Variants in ATP2A3 observed in about 807,000 individuals in gnomAD.
ATP2A3 encodes sarcoplasmic/endoplasmic reticulum calcium ATPase 3.
ATP2A3 carries 61 observed loss-of-function variants against 106.8 expected under a neutral mutation model. That is an observed-to-expected ratio of 0.57 (90% CI 0.46 to 0.71). The LOEUF is 0.71. Ranked by LOEUF, ATP2A3 falls within the 30% of genes least tolerant of loss-of-function variation. The pLI, the probability that ATP2A3 is intolerant of heterozygous loss-of-function variation, is 0.00. For missense variants in ATP2A3, 1,201 were observed against 1,423.5 expected, an observed-to-expected ratio of 0.84 and a Z score of 2.52; for synonymous variants, 611 against 609.3, an observed-to-expected ratio of 1.00 and a Z score of -0.04.
At chr17:3,931,676 C>T (rs2053103220) in intron 17 of ATP2A3, among the ~76,000 whole-genome samples, 5 of 152,094 alleles carry the variant, frequency 3.3e-5, no homozygotes, top group Admixed American at 2.6e-4. Flanking sequence ...CGCCCGCCAC[C>T]ACGCCCGGCT....
Position 3,936,292 on chromosome 17 carries a change from G to A in ATP2A3, c.2499C>T (p.Leu833=). 6.2e-7 allele frequency: 1 copy of A among 1,613,980 alleles called. No individual in the cohort carries two copies. Reference sequence around the variant, plus strand: ...CTCCGATAGCCAGGTATCGGAAGAAGAGCCAGCCACTGATGAGGGCTTCTC... The same window carrying A: ...CTCCGATAGCCAGGTATCGGAAGAAAAGCCAGCCACTGATGAGGGCTTCTC... ...SPREALISGW[L]FFRYLAIGVY... The change falls in exon 16 of 21, where the codon CTC becomes CTT. Residue 833 remains leucine, a synonymous_variant. Transcript: ENST00000397041. The surrounding 1 kb of genome is among the most constrained non-coding windows in gnomAD (Gnocchi z 5.4).
rs1488207523 is a variant in ATP2A3, at chr17:3,945,072, G to A, written c.1172C>T (p.Pro391Leu). Residue 391 changes from proline (P) to leucine (L), a missense_variant, in exon 9 of 21, where the codon CCC becomes CTC. Pro to Leu is a moderately conservative substitution (Grantham distance 98). Transcript: ENST00000397041. The stretch of plus-strand genomic sequence containing the variant: ...GCCCCGCACTCACACTTCGCCCTCG[G>A]GGGTATACGTGGTACCCGAGATGGT... ...EFTISGTTYTPEGEVRQGDQP... is the reference protein window; with the variant it reads ...EFTISGTTYTLEGEVRQGDQP... 5 of 1,545,024 alleles carry A rather than the reference G, an allele frequency of 3.2e-6. No individual in the cohort carries two copies.
Position 3,951,392 on chromosome 17 carries a change from G to A in ATP2A3, c.325-3C>T, listed in dbSNP as rs2144647196. The A allele has an allele frequency of 6.2e-7, 1 of 1,613,678 alleles. No homozygotes were observed. Among genetic ancestry groups the A allele is most frequent in the Non-Finnish European group, 8.5e-7 (1 of 1,180,006 alleles). Reference sequence around the variant, plus strand: ...ATGGCACTCTCGGCGTTGCGTTCCTGCAGAATAGAAGGCCGGCAGGCAGTC... The same window carrying A: ...ATGGCACTCTCGGCGTTGCGTTCCTACAGAATAGAAGGCCGGCAGGCAGTC... On this transcript the variant is annotated splice_polypyrimidine_tract_variant and splice_region_variant and intron_variant, in intron 4 of 20. Transcript: ENST00000397041.
At chr17:3,961,815 G>A (rs150162706) in intron 1 of ATP2A3, among the ~76,000 whole-genome samples, 2 of 152,304 alleles carry the variant, frequency 1.3e-5, no homozygotes, top group East Asian at 3.9e-4. Flanking sequence ...CTGGGAGATG[G>A]GTTCTATGGC....
intron 17 of ATP2A3, 42 bp downstream of exon 17, chr17:3,935,150 G>C (rs371138098): frequency 6.2e-7 from 1 of 1,602,630 alleles, no homozygotes; most frequent in Non-Finnish European, 8.5e-7. Flanking sequence ...CCAACAACTC[G>C]AGCTGTAAGT....
intron 10 of ATP2A3, among the ~76,000 whole-genome samples, chr17:3,944,375 T>A (rs559778829): frequency 2.0e-5 from 3 of 152,164 alleles, no homozygotes; most frequent in Non-Finnish European, 4.4e-5. Flanking sequence ...AGGCTTTAAC[T>A]GAACGTGGGC....
At position 3,937,465 on chromosome 17, in the gene ATP2A3, T is replaced by C; in HGVS notation, c.2272A>G (p.Lys758Glu). The stretch of plus-strand genomic sequence containing the variant: ...GAGATGAGGTAGCGGATGAATTGCT[T>C]CATGTTGCTGTAGATGGCCCGGCCC... Reference protein sequence around the residue: ...EEGRAIYSNMKQFIRYLISSN... With the variant: ...EEGRAIYSNMEQFIRYLISSN... Residue 758 changes from lysine (K) to glutamate (E), a missense_variant, in exon 15 of 21, where the codon AAG becomes GAG. By Grantham distance (56) the Lys-to-Glu change is moderately conservative. Around this residue, in one of 2 missense-constraint regions of ATP2A3, gnomAD observed 935 missense variants for 1,176.7 expected, o/e 0.79. Transcript: ENST00000397041. 1 of 1,612,858 alleles carries C rather than the reference T, an allele frequency of 6.2e-7. No homozygotes were observed. The highest frequency in any genetic ancestry group is 8.5e-7 in the Non-Finnish European group (1 of 1,179,148).
chr17:3,925,425 C>CT lies in ATP2A3; in HGVS notation c.2996dup (p.Ter1000ValfsTer16), dbSNP rs1187537531. ...GACTCCACTCTGTTCCCAGCGCTCA[C>CT]TTCTGGCTCATTTCTTCTGGAAGAA... On this transcript the variant is annotated frameshift_variant, in exon 21 of 21. Coordinates refer to ENST00000397041, the MANE Select transcript of ATP2A3 (RefSeq NM_005173.4). LOFTEE classifies it high-confidence loss of function. The surrounding 1 kb of genome is among the most constrained non-coding windows in gnomAD (Gnocchi z 4.2). 6.2e-7 allele frequency: 1 copy of CT among 1,613,844 alleles called. No homozygotes were observed. The highest frequency in any genetic ancestry group is 8.5e-7 in the Non-Finnish European group (1 of 1,179,934).
At chr17:3,934,115 G>C (rs1229514516) in intron 17 of ATP2A3, among the ~76,000 whole-genome samples, 2 of 151,582 alleles carry the variant, frequency 1.3e-5, no homozygotes, top group African/African-American at 4.9e-5. Context: ...GTAGAGACAG[G>C]GTTTCACCAT....
At position 3,929,510 on chromosome 17, in the gene ATP2A3, C is replaced by G. The variant is rs1329047232; in HGVS notation, c.2745-65G>C. On this transcript the variant is annotated intron_variant, in intron 18 of 20. Transcript: ENST00000397041. The surrounding 1 kb of genome is among the most constrained non-coding windows in gnomAD (Gnocchi z 4.3). ...GGGAGGCCCTGCCAGGCACCCACCC[C>G]CATGGGAGGAGCCTCACCACTTCTC... The G allele has an allele frequency of 7.3e-7, 1 of 1,362,854 alleles. No individual in the cohort carries two copies. Among genetic ancestry groups the G allele is most frequent in the Non-Finnish European group, 1.0e-6 (1 of 980,342 alleles). 84.4% of individuals were successfully genotyped at this position (1,362,854 alleles called of 1,614,324 possible).
Position 3,932,883 on chromosome 17 carries a change from A to G in ATP2A3, c.2610+2309T>C, listed in dbSNP as rs145982393. Among the ~76,000 whole-genome samples, 33 of 151,902 alleles carry G rather than the reference A, an allele frequency of 2.2e-4. 1 individual carries two copies. The highest frequency in any genetic ancestry group is 3.4e-4 in the African/African-American group (14 of 41,142). On this transcript the variant is annotated intron_variant, in intron 17 of 20. Transcript: ENST00000397041. Reference sequence around the variant, plus strand: ...CCTGCCAGATCTTAATGGCCTATCCATACATGTACACACAAACATAGGGAC... The same window carrying G: ...CCTGCCAGATCTTAATGGCCTATCCGTACATGTACACACAAACATAGGGAC...
At chr17:3,940,088 T>A (rs905428373) in intron 14 of ATP2A3, among the ~76,000 whole-genome samples, 2 of 135,448 alleles carry the variant, frequency 1.5e-5, no homozygotes, top group African/African-American at 5.7e-5. Flanking sequence ...CTCAAACTCC[T>A]GGGCTCAAGC....
chr17:3,950,789 G>A lies in ATP2A3; in HGVS notation c.464-16C>T. 6.2e-7 allele frequency: 1 copy of A among 1,611,826 alleles called. No individual in the cohort carries two copies. Among genetic ancestry groups the A allele is most frequent in the South Asian group, 1.1e-5 (1 of 90,962 alleles). ...TTGTCCCCCACTGTGCGGGGAGAAT[G>A]GCTTGGCTGAGGGTGGCTTTGGGCA... On this transcript the variant is annotated splice_polypyrimidine_tract_variant and intron_variant, in intron 5 of 20. Coordinates refer to ENST00000397041, the MANE Select transcript of ATP2A3 (RefSeq NM_005173.4).
At chr17:3,943,618 T>C in intron 10 of ATP2A3, 96 bp from the exon 11 acceptor site, 1 of 1,577,686 alleles carries the variant, frequency 6.3e-7, no homozygotes, top group Non-Finnish European at 8.7e-7. Flanking sequence ...CTGCCTTTGC[T>C]GGAGTTCCGT....
In ATP2A3 at chr17:3,926,205, T is replaced by A. The variant is rs1387071404; in HGVS notation, c.2981-764A>T. 6.6e-6 allele frequency among the ~76,000 whole-genome samples: 1 copy of A among 152,124 alleles called. No homozygotes were observed. The highest frequency in any genetic ancestry group is 1.5e-5 in the Non-Finnish European group (1 of 68,020). ...ATAAATCACGGGGAAGCCACAAGCA[T>A]CAGGCTTCAGAAAAACTTCCCTAAA... is the stretch of plus-strand genomic sequence containing the variant. On this transcript the variant is annotated intron_variant, in intron 20 of 20. Transcript: ENST00000397041. The surrounding 1 kb of genome is among the most constrained non-coding windows in gnomAD (Gnocchi z 4.6).
At chr17:3,956,646 C>T (rs1018154005) in intron 1 of ATP2A3, among the ~76,000 whole-genome samples, 3 of 152,240 alleles carry the variant, frequency 2.0e-5, no homozygotes, top group Non-Finnish European at 4.4e-5. Context: ...TCTGCTCCAT[C>T]GACCTGGGTC....
rs1597593004 is a variant in ATP2A3, at chr17:3,936,200, C to T, written c.2524+67G>A. On this transcript the variant is annotated intron_variant, in intron 16 of 20. Transcript: ENST00000397041. This position sits in a 1 kb window ranked among gnomAD's most constrained non-coding sequence, Gnocchi z 5.4. ...CCAGGCTGAGTCACACTGTCTGCAGCTTGCAAGCCTGATACAAGGCTCTTA... is the reference window on the plus strand; with the variant it reads ...CCAGGCTGAGTCACACTGTCTGCAGTTTGCAAGCCTGATACAAGGCTCTTA... The T allele has an allele frequency of 6.3e-7, 1 of 1,586,414 alleles. No homozygotes were observed. Among genetic ancestry groups the T allele is most frequent in the Non-Finnish European group, 8.7e-7 (1 of 1,155,618 alleles).
Position 3,941,650 on chromosome 17 carries a change from G to GC in ATP2A3, c.1549dup (p.Ala517GlyfsTer3). On this transcript the variant is annotated frameshift_variant, in exon 13 of 21. Transcript: ENST00000397041. LOFTEE classifies it high-confidence loss of function. Reference sequence around the variant, plus strand: ...ACAGCGCTCGATCACACTCTCAGGAGCCCCCTGCGAGGTGGGGAGAGGGAG... The same window carrying GC: ...ACAGCGCTCGATCACACTCTCAGGAGCCCCCCTGCGAGGTGGGGAGAGGGAG... 6.2e-7 allele frequency: 1 copy of GC among 1,606,782 alleles called. No homozygotes were observed.
Position 3,930,443 on chromosome 17 carries a change from AC to A in ATP2A3, c.2611-10del. The A allele has an allele frequency of 6.2e-7, 1 of 1,613,722 alleles. No homozygotes were observed. The highest frequency in any genetic ancestry group is 8.5e-7 in the Non-Finnish European group (1 of 1,179,986). On this transcript the variant is annotated splice_polypyrimidine_tract_variant and intron_variant, in intron 17 of 20. Coordinates refer to ENST00000397041, the MANE Select transcript of ATP2A3 (RefSeq NM_005173.4). The surrounding 1 kb of genome is among the most constrained non-coding windows in gnomAD (Gnocchi z 5.4). Reference sequence around the variant, plus strand: ...CACTTCAGGAAGTTCCTCTGGGGGCACCGTGGCAGGTCAGAGAGAGCGGCAG... The same window carrying A: ...CACTTCAGGAAGTTCCTCTGGGGGCACGTGGCAGGTCAGAGAGAGCGGCAG...
Sources: gnomAD v4.1 joint callset for allele counts (sites outside exome capture counted in the v4.1 genomes callset) on GRCh38, gnomAD v4.1.1 for gene constraint, gnomAD v4.1.1 regional missense constraint, Gnocchi (gnomAD v3.1) non-coding constraint, MANE v1.5 for transcripts, NCBI Gene and HGNC (gene_info 2026-07-23, HGNC 2026-07-21) for gene names.